The following RETREG3 variants were observed in gnomAD, a reference collection of about 807,000 sequenced individuals.
RETREG3 encodes the protein reticulophagy regulator family member 3, also known as reticulophagy regulator 3.
RETREG3 carries 23 observed loss-of-function variants against 50.2 expected under a neutral mutation model. The ratio of observed to expected loss-of-function variants is 0.46; its 90% CI spans 0.33 to 0.65. The LOEUF is 0.65. Among genes scored for constraint, RETREG3 ranks in the 30% least tolerant of loss-of-function variants. The pLI is 0.02. For synonymous variants in RETREG3, 240 were observed against 234.4 expected (o/e 1.02, Z -0.22); for missense variants, 546 against 598.0 (o/e 0.91, Z 0.91).
At chr17:42,604,694 C>CAAA (rs1007735904) in intron 1 of RETREG3, among the ~76,000 whole-genome samples, 973 of 43,128 alleles carry the variant, frequency 0.023, 32 homozygotes, top group African/African-American at 0.071. Flanking sequence ...GATTCCCCAG[C>CAAA]AAAAAAAAAA....
intron 1 of RETREG3, among the ~76,000 whole-genome samples, chr17:42,603,515 A>C (rs1388167861): frequency 6.6e-6 from 1 of 152,186 alleles, no homozygotes; most frequent in Non-Finnish European, 1.5e-5. Context: ...GCTAGCTGCT[A>C]ACAGTGGAGA....
In RETREG3 at chr17:42,579,943, A is replaced by G. The variant is rs1001232470; in HGVS notation, c.*1870T>C. 2.0e-5 allele frequency: 3 copies of G among 152,976 alleles called. No homozygotes were observed. Among genetic ancestry groups the G allele is most frequent in the East Asian group, 1.9e-4 (1 of 5,344 alleles). 9.5% of individuals were successfully genotyped at this position (152,976 alleles called of 1,614,324 possible). Reference sequence around the variant, plus strand: ...AGCACACCCCCACCTGCAGTACATGAAAACAGGCTCTGTCCAACATCCCTC... The same window carrying G: ...AGCACACCCCCACCTGCAGTACATGGAAACAGGCTCTGTCCAACATCCCTC... On this transcript the variant is annotated 3_prime_UTR_variant, in exon 9 of 9. Coordinates refer to ENST00000309428, the MANE Select transcript of RETREG3 (RefSeq NM_178126.4).
intron 1 of RETREG3, among the ~76,000 whole-genome samples, chr17:42,595,849 C>T (rs539695757): frequency 3.4e-5 from 5 of 148,836 alleles, no homozygotes; most frequent in African/African-American, 4.9e-5. Flanking sequence ...CAGCAGTGAA[C>T]GTGTTCACGC....
At chr17:42,602,850 G>T (rs540427683) in intron 1 of RETREG3, among the ~76,000 whole-genome samples, 1 of 152,198 alleles carries the variant, frequency 6.6e-6, no homozygotes, top group Non-Finnish European at 1.5e-5. Context: ...AGGCTGAGGT[G>T]GGAGGATGGC....
At chr17:42,600,810 A>C (rs536629283) in intron 1 of RETREG3, among the ~76,000 whole-genome samples, 142 of 152,334 alleles carry the variant, frequency 9.3e-4, no homozygotes, top group African/African-American at 3.3e-3. Context: ...TGGTTTTAAA[A>C]CTTTTTCACA....
chr17:42,588,082 AG>A lies in RETREG3; in HGVS notation c.347-219del, dbSNP rs368914744. Among the ~76,000 whole-genome samples the A allele has an allele frequency of 3.8e-4, 58 of 152,288 alleles. 1 individual carries two copies. Among genetic ancestry groups the A allele is most frequent in the African/African-American group, 1.3e-3 (55 of 41,570 alleles). On this transcript the variant is annotated intron_variant, in intron 2 of 8. Transcript: ENST00000309428. ...CTCATTTTTCGAGGGGAAGGAAGGG[AG>A]GTCCAAATGGACTATTTGAGCCCCC... is the stretch of plus-strand genomic sequence containing the variant.
intron 2 of RETREG3, among the ~76,000 whole-genome samples, chr17:42,589,320 C>A (rs2093127846): frequency 6.6e-6 from 1 of 152,204 alleles, no homozygotes; most frequent in African/African-American, 2.4e-5. Context: ...CAGTTTTCCT[C>A]TCTCACCCCT....
At position 42,585,207 on chromosome 17, in the gene RETREG3, T is replaced by C. The variant is rs1302950143; in HGVS notation, c.645A>G (p.Ala215=). Residue 215 remains alanine, a synonymous_variant, in exon 6 of 9, where the codon GCA becomes GCG. Coordinates refer to ENST00000309428, the MANE Select transcript of RETREG3 (RefSeq NM_178126.4). ...GCAGAGCTGGCTTCAGCCGCACATATGCTCGATCCCACAGTCGGTGGTACA... is the reference window on the plus strand; with the variant it reads ...GCAGAGCTGGCTTCAGCCGCACATACGCTCGATCCCACAGTCGGTGGTACA... ...LAVYHRLWDR[A]YVRLKPALQR... 29 of 1,614,078 alleles carry C rather than the reference T, an allele frequency of 1.8e-5. No individual in the cohort carries two copies. The highest frequency in any genetic ancestry group is 2.5e-5 in the Non-Finnish European group (29 of 1,180,042).
At chr17:42,594,872 A>C (rs2093140784) in intron 1 of RETREG3, among the ~76,000 whole-genome samples, 1 of 150,504 alleles carries the variant, frequency 6.6e-6, no homozygotes, top group Non-Finnish European at 1.5e-5. Context: ...ATACATACAT[A>C]CGTTTATCCG....
intron 1 of RETREG3, among the ~76,000 whole-genome samples, chr17:42,603,562 C>G (rs1597743242): frequency 6.6e-6 from 1 of 152,102 alleles, no homozygotes; most frequent in African/African-American, 2.4e-5. Context: ...CAGATAAAAA[C>G]TAAAGGTAAA....
chr17:42,583,704 A>C, intron 6 of RETREG3, 124 bp from the exon 7 acceptor site: 1 of 796,576 alleles, frequency 1.3e-6, no homozygotes. Context: ...CTAAGCCTAC[A>C]TAATAATAAC....
chr17:42,600,472 AATG>A (rs1567926435), intron 1 of RETREG3, among the ~76,000 whole-genome samples: 1 of 152,212 alleles, frequency 6.6e-6, no homozygotes, highest in Non-Finnish European at 1.5e-5. Context: ...TGCATGTGAT[AATG>A]ATGGCAGATG....
At chr17:42,596,518 T>C (rs568553902) in intron 1 of RETREG3, 2 of 152,196 alleles carry the variant, frequency 1.3e-5, no homozygotes, top group Middle Eastern at 3.4e-3. Flanking sequence ...TCCCTTTTTT[T>C]CCTCCATTCC....
chr17:42,585,332 C>A (rs987806956), intron 5 of RETREG3, 70 bp from the exon 6 acceptor site: 117 of 1,582,578 alleles, frequency 7.4e-5, no homozygotes, highest in Middle Eastern at 1.8e-4. Flanking sequence ...AACTGTAGCG[C>A]TGCTATTGGT....
chr17:42,587,759 T>C, intron 3 of RETREG3, 75 bp downstream of exon 3: 1 of 1,573,926 alleles, frequency 6.4e-7, no homozygotes, highest in Non-Finnish European at 8.7e-7. Flanking sequence ...GAACATGGGG[T>C]TAACAACATG....
intron 1 of RETREG3, among the ~76,000 whole-genome samples, chr17:42,600,502 T>C (rs2143418504): frequency 6.6e-6 from 1 of 152,342 alleles, no homozygotes; most frequent in East Asian, 1.9e-4. Flanking sequence ...AAAGTCTCTT[T>C]TTCAGAAAAA....
chr17:42,585,166 CTG>C lies in RETREG3; in HGVS notation c.684_685del (p.Phe228LeufsTer31), dbSNP rs2093118807. ...CTTGGACATCATGTAGCCACGGACA[CTG>C]AAGTCTAGCCGCTGCAGAGCTGGCT... On this transcript the variant is annotated frameshift_variant, in exon 6 of 9. Coordinates refer to ENST00000309428, the MANE Select transcript of RETREG3 (RefSeq NM_178126.4). LOFTEE classifies it high-confidence loss of function. 1 of 1,613,718 alleles carries C rather than the reference CTG, an allele frequency of 6.2e-7. No individual in the cohort carries two copies. Among genetic ancestry groups the C allele is most frequent in the Non-Finnish European group, 8.5e-7 (1 of 1,180,046 alleles).
intron 1 of RETREG3, among the ~76,000 whole-genome samples, chr17:42,598,435 T>C (rs572185286): frequency 6.6e-6 from 1 of 152,336 alleles, no homozygotes; most frequent in South Asian, 2.1e-4. Flanking sequence ...ACTATTGGCT[T>C]ATCTTCATCT....
In RETREG3 at chr17:42,592,166, C is replaced by A; in HGVS notation, c.240-4G>T. On this transcript the variant is annotated splice_region_variant and splice_polypyrimidine_tract_variant and intron_variant, in intron 1 of 8. Transcript: ENST00000309428. The stretch of plus-strand genomic sequence containing the variant: ...AAGAGATGTCAGGGCAAAAAACCTA[C>A]AGAGGAAGAAAAACAGAAGAAAGAT... 4.3e-6 allele frequency: 7 copies of A among 1,611,476 alleles called. No homozygotes were observed. Among genetic ancestry groups the A allele is most frequent in the Non-Finnish European group, 5.9e-6 (7 of 1,178,694 alleles).
Sources: gnomAD v4.1 joint callset for allele counts (sites outside exome capture counted in the v4.1 genomes callset) on GRCh38, gnomAD v4.1.1 for gene constraint, MANE v1.5 for transcripts, NCBI Gene and HGNC (gene_info 2026-07-23, HGNC 2026-07-21) for gene names.